Variants in RANBP2 observed in about 807,000 individuals in gnomAD.
RANBP2 encodes the protein RAN binding protein 2.
Under a neutral mutation model 303.6 loss-of-function variants are expected in RANBP2, and 57 were observed. That is an observed-to-expected ratio of 0.19 (90% CI 0.15 to 0.23). The LOEUF is 0.23. RANBP2 is among the 10% of genes least tolerant of loss of function. RANBP2 has a pLI of 1.00. For synonymous variants in RANBP2, 1,167 were observed against 1,301.5 expected (o/e 0.90, Z 2.23); for missense variants, 3,138 against 3,780.8 (o/e 0.83, Z 4.46).
chr2:108,936,928 T>G, the RANBP2 span, among the ~76,000 whole-genome samples: 7 of 152,360 alleles, frequency 4.6e-5, no homozygotes, highest in Middle Eastern at 0.01. Context: ...CAGTGATTTC[T>G]GACCCATTTC....
At chr2:108,851,454 A>G in the RANBP2 span, among the ~76,000 whole-genome samples, 1 of 152,066 alleles carries the variant, frequency 6.6e-6, no homozygotes, top group Non-Finnish European at 1.5e-5. Context: ...GGTGCCTGCC[A>G]CCATGCCCAG....
chr2:109,023,701 C>T, the RANBP2 span, among the ~76,000 whole-genome samples: 4 of 152,242 alleles, frequency 2.6e-5, no homozygotes, highest in East Asian at 3.9e-4. Context: ...CCTAGCTACT[C>T]AGGAGGCTGA....
chr2:109,555,611 T>C, the RANBP2 span, among the ~76,000 whole-genome samples: 3 of 152,220 alleles, frequency 2.0e-5, no homozygotes, highest in Non-Finnish European at 1.5e-5. Context: ...GAAGGAATGC[T>C]GAGGGCAGTC....
At chr2:109,728,755 C>G in the RANBP2 span, among the ~76,000 whole-genome samples, 1 of 149,914 alleles carries the variant, frequency 6.7e-6, no homozygotes, top group African/African-American at 2.4e-5. Flanking sequence ...CCCGGCAATG[C>G]TAGATTTTAA....
At chr2:109,543,608 A>T in the RANBP2 span, 4 of 152,240 alleles carry the variant, frequency 2.6e-5, no homozygotes, top group African/African-American at 4.8e-5. Context: ...AAAAAGGTTC[A>T]TCTTGGAATA....
At chr2:109,267,241 A>G in the RANBP2 span, among the ~76,000 whole-genome samples, 1 of 151,842 alleles carries the variant, frequency 6.6e-6, no homozygotes, top group Admixed American at 6.6e-5. Context: ...AAGTGCATGT[A>G]AAGGCACACA....
chr2:109,622,924 T>C, the RANBP2 span, among the ~76,000 whole-genome samples: 2 of 152,128 alleles, frequency 1.3e-5, no homozygotes, highest in Non-Finnish European at 2.9e-5. Context: ...GGTCAGTAGT[T>C]CGAGACCAGC....
the RANBP2 span, among the ~76,000 whole-genome samples, chr2:109,414,494 A>G: frequency 3.3e-5 from 5 of 152,160 alleles, no homozygotes; most frequent in East Asian, 1.9e-4. Flanking sequence ...ATGACCCTCA[A>G]TGGACACGAG....
At chr2:109,727,438 A>G in the RANBP2 span, among the ~76,000 whole-genome samples, 17 of 152,146 alleles carry the variant, frequency 1.1e-4, no homozygotes, top group African/African-American at 4.1e-4. Context: ...TAGTGGGTGG[A>G]GCTGGGACTC....
At chr2:109,540,151 A>T in the RANBP2 span, among the ~76,000 whole-genome samples, 2 of 152,188 alleles carry the variant, frequency 1.3e-5, no homozygotes, top group African/African-American at 4.8e-5. Flanking sequence ...ATGATCAAGA[A>T]CATAATCTTT....
chr2:109,764,655 A>T, the RANBP2 span, among the ~76,000 whole-genome samples: 1 of 148,130 alleles, frequency 6.8e-6, no homozygotes, highest in African/African-American at 2.5e-5. Context: ...GAGGATGGAA[A>T]GAGGAAAAAT....
chr2:109,349,236 G>A, the RANBP2 span, among the ~76,000 whole-genome samples: 1 of 152,186 alleles, frequency 6.6e-6, no homozygotes, highest in Admixed American at 6.5e-5. Flanking sequence ...GGCATGTCCT[G>A]CGTACAGCTG....
chr2:109,520,978 C>T, the RANBP2 span, among the ~76,000 whole-genome samples: 2 of 151,438 alleles, frequency 1.3e-5, no homozygotes, highest in Admixed American at 6.6e-5. Context: ...GCTTGTAATC[C>T]TAGCACTTTG....
chr2:109,416,242 G>C, the RANBP2 span, among the ~76,000 whole-genome samples: 10 of 152,248 alleles, frequency 6.6e-5, no homozygotes, highest in African/African-American at 2.4e-4. Context: ...AGCCCAGGTT[G>C]GGTACCTGTG....
the RANBP2 span, among the ~76,000 whole-genome samples, chr2:109,478,214 G>A: frequency 7.4e-4 from 112 of 152,234 alleles, no homozygotes; most frequent in Non-Finnish European, 1.3e-3. Flanking sequence ...CACACTTCAC[G>A]CTGGCTCCCA....
chr2:109,478,750 C>T, the RANBP2 span, among the ~76,000 whole-genome samples: 21 of 152,222 alleles, frequency 1.4e-4, no homozygotes, highest in South Asian at 4.1e-4. Context: ...AGAGGCCATG[C>T]GACGGGCTTA....
chr2:109,678,037 C>T, the RANBP2 span, among the ~76,000 whole-genome samples: 4 of 152,260 alleles, frequency 2.6e-5, no homozygotes, highest in Middle Eastern at 6.8e-3. Flanking sequence ...GCAGGGGGGT[C>T]GCACCCCACC....
At chr2:109,604,316 C>A in the RANBP2 span, among the ~76,000 whole-genome samples, 18 of 130,292 alleles carry the variant, frequency 1.4e-4, no homozygotes, top group African/African-American at 5.1e-4. Flanking sequence ...GCACTCCAGC[C>A]TGGGTGACAG....
the RANBP2 span, among the ~76,000 whole-genome samples, chr2:109,315,057 A>T: frequency 1.3e-5 from 2 of 152,214 alleles, no homozygotes; most frequent in Non-Finnish European, 2.9e-5. Flanking sequence ...TGAAGAGCCC[A>T]TACACGACAC....
Sources: allele counts gnomAD v4.1 joint callset (sites outside exome capture counted in the v4.1 genomes callset), GRCh38; gene constraint gnomAD v4.1.1; transcripts MANE v1.5; gene names NCBI Gene and HGNC (gene_info 2026-07-23, HGNC 2026-07-21).